ASNS: variants seen among roughly 807,000 people sequenced by gnomAD.
ASNS encodes asparagine synthetase (glutamine-hydrolyzing).
In ASNS, 37 loss-of-function variants were observed where a neutral mutation model predicts 62.6. That is an observed-to-expected ratio of 0.59 (90% CI 0.45 to 0.78). The LOEUF (loss-of-function observed/expected upper bound fraction) is 0.78. Ranked by LOEUF, ASNS falls within the 30% of genes least tolerant of loss-of-function variation. ASNS has a pLI of 0.00. For missense variants in ASNS, 520 were observed against 682.4 expected, an observed-to-expected ratio of 0.76 and a Z score of 2.65; for synonymous variants, 207 against 237.9, an observed-to-expected ratio of 0.87 and a Z score of 1.19.
intron 3 of ASNS, among the ~76,000 whole-genome samples, chr7:97,867,310 G>A (rs957459070): frequency 6.9e-5 from 9 of 130,646 alleles, no homozygotes; most frequent in Non-Finnish European, 1.4e-4. Flanking sequence ...AAGGAGGTGT[G>A]GGGGGGATTT....
At chr7:97,881,357 C>G in the ASNS span, among the ~76,000 whole-genome samples, 4 of 151,944 alleles carry the variant, frequency 2.6e-5, no homozygotes, top group African/African-American at 9.7e-5. Flanking sequence ...CTGTCTAGTT[C>G]CAAAACATTT....
At position 97,852,126 on chromosome 7, in the gene ASNS, G is replaced by A. The variant is rs1584455257; in HGVS notation, c.*133C>T. The A allele has an allele frequency of 1.1e-6, 1 of 943,140 alleles. No homozygotes were observed. Among genetic ancestry groups the A allele is most frequent in the Non-Finnish European group, 1.6e-6 (1 of 628,174 alleles). The allele number at this position is 943,140 out of a possible 1,614,324, so 58.4% of individuals were successfully genotyped here. A position where few individuals can be genotyped will look rare whatever the true frequency, so the allele number is the denominator to read the frequency against. On this transcript the variant is annotated 3_prime_UTR_variant, in exon 13 of 13. Transcript: ENST00000394308. The stretch of plus-strand genomic sequence containing the variant: ...CATGAACATAAATGACTACAGCAAT[G>A]GTTTAGATTTAGGACTTTTATTTTT...
At chr7:97,875,339 A>G (rs1245705821), upstream of ASNS, among the ~76,000 whole-genome samples, 1 of 149,350 alleles carries the variant, frequency 6.7e-6, no homozygotes, top group Non-Finnish European at 1.5e-5. Flanking sequence ...GGATTTCACC[A>G]TGTTAGCCAG....
the ASNS span, among the ~76,000 whole-genome samples, chr7:97,925,898 G>A: frequency 8.5e-5 from 13 of 152,120 alleles, no homozygotes; most frequent in Non-Finnish European, 2.9e-5. Context: ...AAGAGCTGTT[G>A]GTCAGACACA....
intron 1 of ASNS, chr7:97,870,245 A>T: frequency 1.2e-6 from 1 of 802,046 alleles, no homozygotes; most frequent in Admixed American, 2.8e-5. Flanking sequence ...GATTGTACAC[A>T]GAGGTCCAGA....
At chr7:97,868,180 T>C (rs1178961643) in intron 3 of ASNS, among the ~76,000 whole-genome samples, 1 of 152,080 alleles carries the variant, frequency 6.6e-6, no homozygotes, top group African/African-American at 2.4e-5. Context: ...TGGTGGCAGG[T>C]GCCTGTAGTC....
the ASNS span, among the ~76,000 whole-genome samples, chr7:97,888,894 A>G: frequency 1.3e-5 from 2 of 152,124 alleles, no homozygotes; most frequent in Non-Finnish European, 2.9e-5. Context: ...CACACTTACT[A>G]CTGAGAGGCC....
At chr7:97,889,927 CAAAAAAAAAAA>C in the ASNS span, among the ~76,000 whole-genome samples, 5 of 38,558 alleles carry the variant, frequency 1.3e-4, no homozygotes, top group African/African-American at 3.3e-4. Flanking sequence ...ATAATGAATA[CAAAAAAAAAAA>C]AAAAAAAAAA....
chr7:97,905,148 C>T, the ASNS span, among the ~76,000 whole-genome samples: 1 of 152,202 alleles, frequency 6.6e-6, no homozygotes, highest in South Asian at 2.1e-4. Context: ...GATCTAACAT[C>T]GCCACTCTAG....
the ASNS span, among the ~76,000 whole-genome samples, chr7:97,925,643 C>T: frequency 3.9e-5 from 6 of 152,296 alleles, no homozygotes; most frequent in South Asian, 4.1e-4. Context: ...ATACCTGCAA[C>T]GTGGATGCAC....
chr7:97,926,495 T>C, the ASNS span, among the ~76,000 whole-genome samples: 4 of 152,188 alleles, frequency 2.6e-5, no homozygotes, highest in African/African-American at 7.2e-5. Context: ...AAATCACTGC[T>C]GATCCTCACA....
chr7:97,890,401 CA>C, the ASNS span, among the ~76,000 whole-genome samples: 1 of 151,884 alleles, frequency 6.6e-6, no homozygotes, highest in East Asian at 1.9e-4. Context: ...TGTCAAAAGA[CA>C]AAGAGAAAAT....
chr7:97,894,210 C>T, the ASNS span, among the ~76,000 whole-genome samples: 1 of 151,820 alleles, frequency 6.6e-6, no homozygotes, highest in Admixed American at 6.6e-5. Flanking sequence ...CTATGGGATA[C>T]AACAAAAGCA....
the ASNS span, among the ~76,000 whole-genome samples, chr7:97,911,047 A>G: frequency 6.6e-6 from 1 of 152,220 alleles, no homozygotes. Context: ...AGACATCTGA[A>G]TGTAAACTTG....
intron 2 of ASNS, 153 bp from the exon 3 acceptor site, chr7:97,869,332 T>C (rs749312149): frequency 1.6e-5 from 14 of 861,172 alleles, no homozygotes; most frequent in Non-Finnish European, 2.3e-5. Context: ...GGCAGGCACA[T>C]GGGAGTAGAG....
At chr7:97,883,351 G>C in the ASNS span, among the ~76,000 whole-genome samples, 3 of 152,094 alleles carry the variant, frequency 2.0e-5, no homozygotes, top group Non-Finnish European at 4.4e-5. Flanking sequence ...GGGACCTCAA[G>C]TAACCTTAGG....
In ASNS at chr7:97,852,382, G is replaced by A; in HGVS notation, c.1563C>T (p.Val521=). ...CCCGGCCTGGGTAATGGCGTTCAAA[G>A]ACTTGACGGTAGTAATATCCTTCTT... ...KTKEGYYYRQ[V]FERHYPGRAD... is the part of the protein sequence containing the mutation. The change falls in exon 13 of 13, where the codon GTC becomes GTT. Residue 521 remains valine (V), a synonymous_variant. Coordinates refer to ENST00000394308, the MANE Select transcript of ASNS (RefSeq NM_001673.5). The A allele has an allele frequency of 6.2e-7, 1 of 1,614,198 alleles. No individual in the cohort carries two copies.
At chr7:97,856,434 G>A (rs1791438041) in intron 8 of ASNS, among the ~76,000 whole-genome samples, 1 of 152,198 alleles carries the variant, frequency 6.6e-6, no homozygotes, top group African/African-American at 2.4e-5. Context: ...CAGAAAATAT[G>A]TATCTGCTCC....
chr7:97,927,171 C>T, the ASNS span, among the ~76,000 whole-genome samples: 4 of 148,494 alleles, frequency 2.7e-5, no homozygotes, highest in African/African-American at 9.9e-5. Flanking sequence ...CCTCCCCCTT[C>T]GGCCTCTCAA....
Sources: gnomAD v4.1 joint callset for allele counts (sites outside exome capture counted in the v4.1 genomes callset) on GRCh38, gnomAD v4.1.1 for gene constraint, MANE v1.5 for transcripts, NCBI Gene and HGNC (gene_info 2026-07-23, HGNC 2026-07-21) for gene names.